Variants in PAM16 observed in about 807,000 individuals in gnomAD.
PAM16 encodes the protein presequence translocase associated motor 16.
Under a neutral mutation model 17.9 loss-of-function variants are expected in PAM16, and 11 were observed. That is an observed-to-expected ratio of 0.62 (90% CI 0.39 to 1.02). The LOEUF is 1.02. Ranked by LOEUF, PAM16 falls within the 50% of genes least tolerant of loss-of-function variation. PAM16 has a pLI of 0.01. For synonymous variants in PAM16, 72 were observed against 67.4 expected (o/e 1.07, Z -0.34); for missense variants, 199 against 165.4 (o/e 1.20, Z -1.11).
intron 1 of PAM16, chr16:4,344,184 G>A: frequency 2.6e-6 from 1 of 384,606 alleles, no homozygotes; most frequent in Non-Finnish European, 4.5e-6. Context: ...GGGATTCGGT[G>A]AGAGGAGGGG....
At chr16:4,342,688 C>T (rs981257302) in intron 2 of PAM16, among the ~76,000 whole-genome samples, 2 of 151,176 alleles carry the variant, frequency 1.3e-5, no homozygotes, top group African/African-American at 2.4e-5. Flanking sequence ...AAACCAGGGC[C>T]GGGCGCTGTG....
chr16:4,343,181 C>T (rs373972489), intron 2 of PAM16, 26 bp downstream of exon 2: 2 of 1,612,114 alleles, frequency 1.2e-6, no homozygotes, highest in South Asian at 1.1e-5. Context: ...ACTCCCAGCC[C>T]ACAGGGGAGA....
intron 1 of PAM16, among the ~76,000 whole-genome samples, chr16:4,344,882 G>A (rs912647108): frequency 5.3e-5 from 8 of 151,720 alleles, no homozygotes; most frequent in African/African-American, 1.9e-4. Context: ...CTCCTGGGCT[G>A]GGCTTTGCAG....
intron 2 of PAM16, 164 bp from the exon 3 acceptor site, chr16:4,341,668 A>G: frequency 8.2e-7 from 1 of 1,222,616 alleles, no homozygotes; most frequent in Non-Finnish European, 1.1e-6. Flanking sequence ...TTTAGGGGGT[A>G]GAGGCTGGGA....
At chr16:4,351,096 C>G (rs997957068) in intron 1 of PAM16, 136 bp downstream of exon 1, 3 of 420,080 alleles carry the variant, frequency 7.1e-6, no homozygotes, top group Non-Finnish European at 1.2e-5. Flanking sequence ...GGGTGCAACG[C>G]CCCCAGACCA....
At chr16:4,344,017 G>C in intron 1 of PAM16, 1 of 397,996 alleles carries the variant, frequency 2.5e-6, no homozygotes, top group East Asian at 3.6e-5. Context: ...CCCCGAGTCA[G>C]AGCACACTGC....
intron 1 of PAM16, chr16:4,350,916 G>C: frequency 3.7e-6 from 1 of 268,238 alleles, no homozygotes; most frequent in Non-Finnish European, 7.0e-6. Flanking sequence ...TAAGGTTCCA[G>C]GGCAGGGGAG....
intron 1 of PAM16, chr16:4,345,961 G>C: frequency 2.0e-6 from 2 of 985,350 alleles, no homozygotes; most frequent in Non-Finnish European, 2.4e-6. Flanking sequence ...TGCTGCCATC[G>C]TACAGCCTTG....
rs1049080393 is a variant in PAM16, at chr16:4,341,360, G to A, written c.225+8C>T. 2.6e-6 allele frequency: 4 copies of A among 1,567,880 alleles called. No homozygotes were observed. The highest frequency in any genetic ancestry group is 3.5e-6 in the Non-Finnish European group (4 of 1,156,202). On this transcript the variant is annotated splice_region_variant and intron_variant, in intron 3 of 4. Transcript: ENST00000318059. ...CTCTCAAACTTTGGGGTGGCCCAGTGGCCTCACCTTCTGGACCTCCTCAGG... is the reference window on the plus strand; with the variant it reads ...CTCTCAAACTTTGGGGTGGCCCAGTAGCCTCACCTTCTGGACCTCCTCAGG...
At chr16:4,349,294 G>A (rs1427235145) in intron 1 of PAM16, among the ~76,000 whole-genome samples, 1 of 152,226 alleles carries the variant, frequency 6.6e-6, no homozygotes, top group East Asian at 2.0e-4. Flanking sequence ...CATGCTGGGT[G>A]CGGTGGCTCA....
intron 4 of PAM16, among the ~76,000 whole-genome samples, chr16:4,340,611 C>G (rs1331120543): frequency 6.6e-6 from 1 of 152,204 alleles, no homozygotes; most frequent in Non-Finnish European, 1.5e-5. Flanking sequence ...GCTGTGACCT[C>G]TGTGAGCTGA....
At chr16:4,342,164 A>C (rs1286744322) in intron 2 of PAM16, among the ~76,000 whole-genome samples, 1 of 152,118 alleles carries the variant, frequency 6.6e-6, no homozygotes, top group African/African-American at 2.4e-5. Flanking sequence ...TCCTGGCCAA[A>C]ATGATGAAAA....
intron 1 of PAM16, 46 bp downstream of exon 1, chr16:4,351,186 C>A: frequency 1.6e-6 from 2 of 1,238,072 alleles, no homozygotes; most frequent in Non-Finnish European, 2.1e-6. Context: ...CGGCCCCCGG[C>A]CCGACTCGGC....
At chr16:4,342,901 T>C (rs1183049630) in intron 2 of PAM16, among the ~76,000 whole-genome samples, 2 of 152,182 alleles carry the variant, frequency 1.3e-5, no homozygotes, top group Non-Finnish European at 2.9e-5. Context: ...GAGGTTGCAG[T>C]GAGCCAAGAT....
intron 1 of PAM16, chr16:4,346,947 G>A (rs893603707): frequency 1.3e-5 from 2 of 152,032 alleles, no homozygotes; most frequent in Non-Finnish European, 2.9e-5. Flanking sequence ...TCAAACTCCT[G>A]ACCTCAGGTG....
intron 2 of PAM16, among the ~76,000 whole-genome samples, chr16:4,342,651 G>A (rs1439585617): frequency 2.0e-5 from 3 of 150,158 alleles, no homozygotes; most frequent in African/African-American, 7.4e-5. Context: ...CGAAAACTCC[G>A]TCTCAAAAAA....
chr16:4,340,820 C>G, intron 4 of PAM16, 100 bp downstream of exon 4: 1 of 1,468,204 alleles, frequency 6.8e-7, no homozygotes, highest in Non-Finnish European at 9.5e-7. Flanking sequence ...TTCTGTGTGC[C>G]AAGCCCTTAG....
chr16:4,345,076 G>C (rs2141149425), intron 1 of PAM16, among the ~76,000 whole-genome samples: 1 of 152,222 alleles, frequency 6.6e-6, no homozygotes, highest in East Asian at 1.9e-4. Flanking sequence ...GTGAAACAAA[G>C]CGATTATATA....
chr16:4,345,461 A>G (rs1031720961), intron 1 of PAM16: 1 of 152,142 alleles, frequency 6.6e-6, no homozygotes, highest in East Asian at 1.9e-4. Context: ...GCACCTGGGC[A>G]AGCCGACAAG....
Sources: allele counts gnomAD v4.1 joint callset (sites outside exome capture counted in the v4.1 genomes callset), GRCh38; gene constraint gnomAD v4.1.1; transcripts MANE v1.5; gene names NCBI Gene and HGNC (gene_info 2026-07-23, HGNC 2026-07-21).